SLC39A10: variants seen among roughly 807,000 people sequenced by gnomAD.
SLC39A10 encodes the protein solute carrier family 39 member 10, also known as zinc transporter ZIP10.
A neutral mutation model predicts 65.1 loss-of-function variants in SLC39A10; 13 were observed. That is an observed-to-expected ratio of 0.20 (90% CI 0.13 to 0.32). SLC39A10 has a LOEUF of 0.32. Among genes scored for constraint, SLC39A10 ranks in the 10% least tolerant of loss-of-function variants. The probability of loss-of-function intolerance (pLI) is 1.00; values close to 1 mark genes in which losing one functional copy is unlikely to be tolerated. For missense variants in SLC39A10, 831 were observed against 1,018.4 expected (o/e 0.82, Z 2.50); for synonymous variants, 321 against 342.2 (o/e 0.94, Z 0.68).
intron 8 of SLC39A10, among the ~76,000 whole-genome samples, chr2:195,720,331 T>C (rs1375854090): frequency 1.3e-5 from 2 of 152,260 alleles, no homozygotes; most frequent in Non-Finnish European, 2.9e-5. Flanking sequence ...CATGCAATAC[T>C]ACTTTGGTTT....
intron 6 of SLC39A10, 41 bp from the exon 7 acceptor site, chr2:195,716,596 A>G: frequency 6.5e-7 from 1 of 1,527,698 alleles, no homozygotes; most frequent in Non-Finnish European, 8.8e-7. Context: ...ATATCCATGC[A>G]TTTAATTATT....
intron 2 of SLC39A10, among the ~76,000 whole-genome samples, chr2:195,650,701 C>T (rs1689013413): frequency 6.6e-6 from 1 of 152,016 alleles, no homozygotes; most frequent in Non-Finnish European, 1.5e-5. Flanking sequence ...TTCATTTCTC[C>T]AATCTATTTT....
chr2:195,647,954 G>A (rs1229441595), intron 2 of SLC39A10, among the ~76,000 whole-genome samples: 9 of 152,126 alleles, frequency 5.9e-5, no homozygotes. Context: ...GGACTGAAAA[G>A]TAAATGTACC....
intron 2 of SLC39A10, among the ~76,000 whole-genome samples, chr2:195,617,420 G>A (rs1243482864): frequency 2.0e-5 from 3 of 152,008 alleles, no homozygotes; most frequent in Admixed American, 6.6e-5. Flanking sequence ...AAATTAGCCG[G>A]GTGTGGTGGC....
chr2:195,642,931 C>T (rs1688841329), intron 2 of SLC39A10, among the ~76,000 whole-genome samples: 1 of 152,154 alleles, frequency 6.6e-6, no homozygotes, highest in Non-Finnish European at 1.5e-5. Flanking sequence ...AACCAAAAGT[C>T]CTGTCTGCTA....
chr2:195,729,523 A>G (rs1348275339), intron 9 of SLC39A10, among the ~76,000 whole-genome samples: 8 of 152,150 alleles, frequency 5.3e-5, no homozygotes, highest in Non-Finnish European at 1.0e-4. Flanking sequence ...TGCTGTATCT[A>G]TGCCCATTTA....
chr2:195,714,230 C>T (rs974795129), intron 6 of SLC39A10, among the ~76,000 whole-genome samples: 20 of 152,050 alleles, frequency 1.3e-4, no homozygotes, highest in African/African-American at 4.1e-4. Context: ...CGCGCCCGGC[C>T]GACAAATACT....
intron 3 of SLC39A10, among the ~76,000 whole-genome samples, chr2:195,693,020 G>C (rs1690802948): frequency 6.6e-6 from 1 of 152,082 alleles, no homozygotes; most frequent in African/African-American, 2.4e-5. Context: ...AATTGCTGAG[G>C]GTTTTAATCA....
At chr2:195,674,983 G>A (rs1690027511) in intron 1 of SLC39A10, among the ~76,000 whole-genome samples, 1 of 152,228 alleles carries the variant, frequency 6.6e-6, no homozygotes, top group South Asian at 2.1e-4. Flanking sequence ...GCAGCTGTGA[G>A]TGAGTCAGTG....
intron 2 of SLC39A10, among the ~76,000 whole-genome samples, chr2:195,639,938 C>T (rs1688771433): frequency 6.8e-6 from 1 of 147,720 alleles, no homozygotes; most frequent in Non-Finnish European, 1.5e-5. Context: ...TTGTTCTCTG[C>T]CATTGTTAAT....
At position 195,680,230 on chromosome 2, in the gene SLC39A10, A is replaced by G; in HGVS notation, c.188A>G (p.Tyr63Cys). 3 of 1,613,668 alleles carry G rather than the reference A, an allele frequency of 1.9e-6. No homozygotes were observed. Among genetic ancestry groups the G allele is most frequent in the Non-Finnish European group, 2.5e-6 (3 of 1,179,926 alleles). The change falls in exon 2 of 10, where the codon TAT becomes TGT. Residue 63 changes from tyrosine to cysteine, a missense_variant. Coordinates refer to ENST00000359634, the MANE Select transcript of SLC39A10 (RefSeq NM_020342.3). Reference sequence around the variant, plus strand: ...GCTGCTGAAAATGAAAAAAAATACTATATTGAAAAACTTTTTGAGCGTTAT... The same window carrying G: ...GCTGCTGAAAATGAAAAAAAATACTGTATTGAAAAACTTTTTGAGCGTTAT... The part of the protein sequence containing the change: ...KQAAENEKKY[Y>C]IEKLFERYGE...
chr2:195,673,453 C>T (rs1689955199), intron 1 of SLC39A10, among the ~76,000 whole-genome samples: 1 of 152,204 alleles, frequency 6.6e-6, no homozygotes. Context: ...CCACAGTGCC[C>T]AGCCCAAAGT....
intron 8 of SLC39A10, among the ~76,000 whole-genome samples, chr2:195,725,523 C>T (rs537505517): frequency 6.6e-6 from 1 of 152,266 alleles, no homozygotes; most frequent in East Asian, 1.9e-4. Flanking sequence ...ACAGCTAGAG[C>T]TCCTATACAT....
chr2:195,675,291 G>A (rs1350635930), intron 1 of SLC39A10, among the ~76,000 whole-genome samples: 4 of 152,076 alleles, frequency 2.6e-5, no homozygotes, highest in South Asian at 2.1e-4. Context: ...AAATTTGAGC[G>A]TGCTTGGATT....
chr2:195,672,126 A>G (rs76820852), intron 1 of SLC39A10, among the ~76,000 whole-genome samples: 5,320 of 152,034 alleles, frequency 0.035, 155 homozygotes, highest in East Asian at 0.13. Context: ...TTTCATCTAA[A>G]TGATTTTTTT....
intron 2 of SLC39A10, among the ~76,000 whole-genome samples, chr2:195,617,719 C>CTTTTA (rs201550137): frequency 2.8e-4 from 42 of 147,642 alleles, no homozygotes; most frequent in African/African-American, 9.7e-4. Context: ...CTTTTCTTTT[C>CTTTTA]TTTTCTTTTA....
chr2:195,718,596 G>C (rs1347839366), intron 8 of SLC39A10, among the ~76,000 whole-genome samples: 1 of 151,998 alleles, frequency 6.6e-6, no homozygotes, highest in Non-Finnish European at 1.5e-5. Flanking sequence ...ATTATGACTG[G>C]TTCACTAAGT....
At chr2:195,672,082 A>G (rs549547951) in intron 1 of SLC39A10, among the ~76,000 whole-genome samples, 1 of 152,224 alleles carries the variant, frequency 6.6e-6, no homozygotes, top group Non-Finnish European at 1.5e-5. Flanking sequence ...CTTTGCAATC[A>G]ATAGCTGCTT....
rs1218698813 is a variant in SLC39A10 at position 195,613,271 on chromosome 2, T to G, written c.-12+7038T>G. On this transcript the variant is annotated intron_variant, in intron 2 of 2. Coordinates refer to the SLC39A10 transcript ENST00000458054. ...CCTCCTTGATGATAGTAATCATTTT[T>G]CTCTTTTTAGCTCAAAAGGAGAATT... is the stretch of plus-strand genomic sequence containing the variant. Among the ~76,000 whole-genome samples, 4 of 152,314 alleles carry G rather than the reference T, an allele frequency of 2.6e-5. No homozygotes were observed. In the East Asian group the frequency reaches 7.7e-4, roughly 29 times the overall value.
Sources: gnomAD v4.1 joint callset for allele counts (sites outside exome capture counted in the v4.1 genomes callset) on GRCh38, gnomAD v4.1.1 for gene constraint, MANE v1.5 for transcripts, NCBI Gene and HGNC (gene_info 2026-07-23, HGNC 2026-07-21) for gene names.